Variants in PIEZO2 observed in about 807,000 individuals in gnomAD.
The protein encoded by PIEZO2 is piezo type mechanosensitive ion channel component 2, also known as piezo-type mechanosensitive ion channel component 2.
Under a neutral mutation model 337.3 loss-of-function variants are expected in PIEZO2, and 172 were observed. The observed-to-expected ratio is 0.51, with a 90% confidence interval of 0.45 to 0.58. The LOEUF (loss-of-function observed/expected upper bound fraction) is 0.58. Among genes scored for constraint, PIEZO2 ranks in the 20% least tolerant of loss-of-function variants. The pLI, the probability that PIEZO2 is intolerant of heterozygous loss-of-function variation, is 0.00. For missense variants in PIEZO2, 3,028 were observed against 3,391.3 expected (o/e 0.89, Z 2.66); for synonymous variants, 1,251 against 1,228.5 (o/e 1.02, Z -0.38).
At chr18:10,696,879 A>G (rs1342665153) in intron 45 of PIEZO2, among the ~76,000 whole-genome samples, 1 of 152,150 alleles carries the variant, frequency 6.6e-6, no homozygotes, top group African/African-American at 2.4e-5. Flanking sequence ...GAGAACCATG[A>G]GCATGCTATG....
intron 4 of PIEZO2, among the ~76,000 whole-genome samples, chr18:10,879,655 A>G (rs1235543503): frequency 6.6e-6 from 1 of 152,074 alleles, no homozygotes; most frequent in Non-Finnish European, 1.5e-5. Context: ...TCGGCCTCCC[A>G]AAGTGCTGGG....
chr18:11,084,376 T>C (rs1276418262), intron 1 of PIEZO2, among the ~76,000 whole-genome samples: 1 of 152,164 alleles, frequency 6.6e-6, no homozygotes, highest in Non-Finnish European at 1.5e-5. Context: ...TTCTTTCAGG[T>C]GAGTTCCAGT....
chr18:11,113,975 C>T (rs12967810), intron 1 of PIEZO2, among the ~76,000 whole-genome samples: 42,477 of 152,198 alleles, frequency 0.28, 7,227 homozygotes, highest in Middle Eastern at 0.48. Flanking sequence ...ATAGCTACGG[C>T]AAAGCCAAGT....
At chr18:11,091,448 G>A (rs1358196374) in intron 1 of PIEZO2, among the ~76,000 whole-genome samples, 1 of 151,870 alleles carries the variant, frequency 6.6e-6, no homozygotes, top group African/African-American at 2.4e-5. Context: ...TCTACTAAAT[G>A]TATAGGTATA....
intron 2 of PIEZO2, among the ~76,000 whole-genome samples, chr18:10,983,497 T>C (rs764638437): frequency 2.6e-5 from 4 of 152,156 alleles, no homozygotes; most frequent in Non-Finnish European, 5.9e-5. Context: ...AAATGTTAGC[T>C]AGCTGGGAGG....
chr18:10,719,556 G>T (rs1312166768), intron 36 of PIEZO2, among the ~76,000 whole-genome samples: 1 of 152,112 alleles, frequency 6.6e-6, no homozygotes, highest in Non-Finnish European at 1.5e-5. Flanking sequence ...AGTATTCCAT[G>T]ACATATACAT....
rs896061843 is a variant in PIEZO2 at position 11,069,659 on chromosome 18, C to T, written c.65-3437G>A. On this transcript the variant is annotated intron_variant, in intron 1 of 55. Transcript: ENST00000674853. This position sits in a 1 kb window ranked among gnomAD's most constrained non-coding sequence, Gnocchi z 4.9. ...CTTGACACTTCCATTCAATGTGGTA[C>T]GGGAAGTCCTAGGCAGAGGAATTAG... Among the ~76,000 whole-genome samples, 5 of 152,010 alleles carry T rather than the reference C, an allele frequency of 3.3e-5. No homozygotes were observed. Among genetic ancestry groups the T allele is most frequent in the African/African-American group, 1.2e-4 (5 of 41,382 alleles).
At chr18:10,827,558 G>T (rs1199441403) in intron 7 of PIEZO2, among the ~76,000 whole-genome samples, 4 of 151,930 alleles carry the variant, frequency 2.6e-5, no homozygotes, top group African/African-American at 4.8e-5. Context: ...CTCCCCTCCT[G>T]AAGCTTAGGT....
rs1326613052 is a variant in PIEZO2 at position 10,819,075 on chromosome 18, G to A, written c.918-11801C>T. 6.6e-6 allele frequency among the ~76,000 whole-genome samples: 1 copy of A among 152,146 alleles called. No homozygotes were observed. Among genetic ancestry groups the A allele is most frequent in the Non-Finnish European group, 1.5e-5 (1 of 68,010 alleles). ...TCCCCCACCAAAATAATATGGAAAT[G>A]TTCCATTTAATTGTCATAAGAAGAA... On this transcript the variant is annotated intron_variant, in intron 7 of 55. Coordinates refer to ENST00000674853, the MANE Select transcript of PIEZO2 (RefSeq NM_001378183.1). This position sits in a 1 kb window ranked among gnomAD's most constrained non-coding sequence, Gnocchi z 4.3.
chr18:10,718,027 A>G (rs1313150480), intron 37 of PIEZO2, among the ~76,000 whole-genome samples, 173 bp downstream of exon 37: 2 of 152,216 alleles, frequency 1.3e-5, no homozygotes, highest in Non-Finnish European at 2.9e-5. Flanking sequence ...TACTTTTAAG[A>G]GTCATTTTGC....
chr18:10,754,204 T>C, intron 27 of PIEZO2, among the ~76,000 whole-genome samples: 1 of 152,260 alleles, frequency 6.6e-6, no homozygotes, highest in Non-Finnish European at 1.5e-5. Flanking sequence ...AAAACATTGA[T>C]AAATACGCTT....
intron 20 of PIEZO2, among the ~76,000 whole-genome samples, chr18:10,772,611 T>C (rs984617238): frequency 6.6e-6 from 1 of 152,190 alleles, no homozygotes; most frequent in African/African-American, 2.4e-5. Flanking sequence ...TGTTTTCTAC[T>C]TTTGTTAAGG....
intron 36 of PIEZO2, among the ~76,000 whole-genome samples, chr18:10,721,401 G>A (rs1261190763): frequency 6.6e-6 from 1 of 152,182 alleles, no homozygotes; most frequent in Non-Finnish European, 1.5e-5. Context: ...TTCATTAAAA[G>A]AGTATCTTTA....
intron 3 of PIEZO2, among the ~76,000 whole-genome samples, chr18:10,934,328 CT>C (rs1191715310): frequency 6.6e-6 from 1 of 152,146 alleles, no homozygotes; most frequent in African/African-American, 2.4e-5. Context: ...GGTTAAGTCC[CT>C]CCCTGCAAGT....
At chr18:10,736,088 C>A (rs1431525841) in intron 34 of PIEZO2, among the ~76,000 whole-genome samples, 2 of 152,164 alleles carry the variant, frequency 1.3e-5, no homozygotes, top group African/African-American at 4.8e-5. Context: ...CTGAAAAAAC[C>A]AGAACTGTGC....
chr18:11,020,570 G>T (rs529169731), intron 2 of PIEZO2, among the ~76,000 whole-genome samples: 1 of 152,268 alleles, frequency 6.6e-6, no homozygotes, highest in African/African-American at 2.4e-5. Context: ...CTGTGGACAA[G>T]ATCATAGCAG....
At chr18:11,074,741 A>G (rs1016689992) in intron 1 of PIEZO2, among the ~76,000 whole-genome samples, 5 of 152,240 alleles carry the variant, frequency 3.3e-5, no homozygotes, top group Admixed American at 1.3e-4. Flanking sequence ...CAAATATGAA[A>G]TGGTTAAGGT....
In PIEZO2 at chr18:10,748,054, C is replaced by A. The variant is rs1941547; in HGVS notation, c.4424+417G>T. On this transcript the variant is annotated intron_variant, in intron 30 of 55. Transcript: ENST00000674853. This position sits in a 1 kb window ranked among gnomAD's most constrained non-coding sequence, Gnocchi z 5.1. ...GAAGAATGGAGCCTAGGGGAAAAAA[C>A]AGGTAGTAATGCAAATTGTGTCAGT... Among the ~76,000 whole-genome samples, 1 of 151,810 alleles carries A rather than the reference C, an allele frequency of 6.6e-6. No homozygotes were observed. Among genetic ancestry groups the A allele is most frequent in the Admixed American group, 6.6e-5 (1 of 15,224 alleles).
At chr18:11,068,861 T>C (rs1414139242) in intron 1 of PIEZO2, among the ~76,000 whole-genome samples, 4 of 152,064 alleles carry the variant, frequency 2.6e-5, no homozygotes, top group African/African-American at 9.7e-5. Flanking sequence ...TTCACATGAG[T>C]ATAAAGGATT....
Sources: gnomAD v4.1 joint callset for allele counts (sites outside exome capture counted in the v4.1 genomes callset) on GRCh38, gnomAD v4.1.1 for gene constraint, Gnocchi (gnomAD v3.1) non-coding constraint, MANE v1.5 for transcripts, NCBI Gene and HGNC (gene_info 2026-07-23, HGNC 2026-07-21) for gene names.